Variants in NXN observed in about 807,000 individuals in gnomAD.
NXN encodes nucleoredoxin.
Under a neutral mutation model 48.6 loss-of-function variants are expected in NXN, and 16 were observed. The ratio of observed to expected loss-of-function variants is 0.33; its 90% confidence interval spans 0.22 to 0.50. NXN has a LOEUF of 0.50. NXN is among the 20% of genes least tolerant of loss of function. The pLI, the probability that NXN is intolerant of heterozygous loss-of-function variation, is 0.98. For missense variants in NXN, 492 were observed against 605.5 expected, an observed-to-expected ratio of 0.81 and a Z score of 1.97; for synonymous variants, 281 against 269.6, an observed-to-expected ratio of 1.04 and a Z score of -0.41.
intron 1 of NXN, among the ~76,000 whole-genome samples, chr17:879,090 G>A (rs192426415): frequency 5.9e-5 from 9 of 151,924 alleles, no homozygotes; most frequent in South Asian, 4.2e-4. Context: ...ACTTGAACCC[G>A]GGAGGCAGAG....
chr17:822,494 T>C, intron 3 of NXN, 37 bp from the exon 4 acceptor site: 1 of 1,492,006 alleles, frequency 6.7e-7, no homozygotes, highest in Non-Finnish European at 9.3e-7. Context: ...TGCGTCACGC[T>C]GCTTCTCCAC....
At position 898,444 on chromosome 17, in the gene NXN, C is replaced by G. The variant is rs1461016062; in HGVS notation, c.361-72366G>C. On this transcript the variant is annotated intron_variant, in intron 1 of 7. Transcript: ENST00000336868. ...ACGCCACCTCCTCTGAGAAACTACT[C>G]TGAGGCCAGGTGTAATGTCTCACCC... is the stretch of plus-strand genomic sequence containing the variant. 2.7e-5 allele frequency among the ~76,000 whole-genome samples: 2 copies of G among 73,794 alleles called. 1 individual carries two copies. The highest frequency in any genetic ancestry group is 8.4e-5 in the Non-Finnish European group (2 of 23,848). 48.4% of individuals were successfully genotyped at this position (73,794 alleles called of 152,430 possible). A position where few individuals can be genotyped will look rare whatever the true frequency, so the allele number is the denominator to read the frequency against.
chr17:929,894 T>C (rs1264828886), intron 1 of NXN: 1 of 151,486 alleles, frequency 6.6e-6, no homozygotes, highest in Non-Finnish European at 1.5e-5. Flanking sequence ...ATTTTAAAGC[T>C]CTGCTCTCGA....
At chr17:904,212 C>A (rs911738452) in intron 1 of NXN, among the ~76,000 whole-genome samples, 6 of 152,248 alleles carry the variant, frequency 3.9e-5, no homozygotes, top group African/African-American at 7.2e-5. Context: ...TGGGGAAGGG[C>A]TGGCCGAGCG....
At position 840,679 on chromosome 17, in the gene NXN, G is replaced by A. The variant is rs145088926; in HGVS notation, c.361-14601C>T. 4.3e-4 allele frequency among the ~76,000 whole-genome samples: 65 copies of A among 152,302 alleles called. 1 individual carries two copies. Among genetic ancestry groups the A allele is most frequent in the South Asian group, 1.7e-3 (8 of 4,832 alleles). On this transcript the variant is annotated intron_variant, in intron 1 of 7. Transcript: ENST00000336868. ...TACGTCTTAAGAGCCTCACTTCACC[G>A]GCGAGATACTCTTTTACAACAGAAA...
At chr17:937,156 G>T (rs2068916745) in intron 1 of NXN, among the ~76,000 whole-genome samples, 1 of 152,020 alleles carries the variant, frequency 6.6e-6, no homozygotes, top group Non-Finnish European at 1.5e-5. Context: ...CTGATTTTTT[G>T]TATTTTTTGT....
intron 1 of NXN, among the ~76,000 whole-genome samples, chr17:859,369 T>G (rs1267879073): frequency 6.6e-6 from 1 of 152,166 alleles, no homozygotes; most frequent in Non-Finnish European, 1.5e-5. Flanking sequence ...ACGGGGAGTT[T>G]AGGGGAAATT....
intron 1 of NXN, among the ~76,000 whole-genome samples, chr17:853,698 T>TACACAC (rs1421882050): frequency 3.9e-5 from 5 of 128,452 alleles, no homozygotes; most frequent in African/African-American, 1.7e-4. Flanking sequence ...ATTTCTGTTA[T>TACACAC]ACACATATAT....
At chr17:847,374 T>C (rs2067875704) in intron 1 of NXN, among the ~76,000 whole-genome samples, 2 of 151,864 alleles carry the variant, frequency 1.3e-5, no homozygotes, top group South Asian at 4.2e-4. Context: ...GGAGAGGAAA[T>C]ATTTACAATG....
At chr17:824,497 G>C (rs1054706817) in intron 2 of NXN, among the ~76,000 whole-genome samples, 3 of 152,170 alleles carry the variant, frequency 2.0e-5, no homozygotes, top group South Asian at 2.1e-4. Flanking sequence ...GGGGCCTCGG[G>C]AATCAACCCG....
intron 1 of NXN, among the ~76,000 whole-genome samples, chr17:930,695 C>A (rs1458252992): frequency 6.6e-6 from 1 of 151,544 alleles, no homozygotes; most frequent in Non-Finnish European, 1.5e-5. Context: ...AAGGCATAAA[C>A]ATGTTATTAA....
At chr17:835,292 A>T (rs1913749025) in intron 1 of NXN, among the ~76,000 whole-genome samples, 1 of 148,584 alleles carries the variant, frequency 6.7e-6, no homozygotes, top group South Asian at 2.2e-4. Context: ...TGGAAGACAG[A>T]CCGAGACTCT....
At chr17:911,978 C>A (rs1029368328) in intron 1 of NXN, among the ~76,000 whole-genome samples, 7 of 150,444 alleles carry the variant, frequency 4.7e-5, no homozygotes, top group African/African-American at 1.7e-4. Flanking sequence ...CACTCTGTTG[C>A]CCAGGCTGGA....
chr17:963,214 G>GAC (rs58535607), intron 1 of NXN, among the ~76,000 whole-genome samples: 6,297 of 142,860 alleles, frequency 0.044, 165 homozygotes, highest in Non-Finnish European at 0.066. Flanking sequence ...TACTGGGACG[G>GAC]ACACACACAC....
chr17:853,950 G>C (rs1446714792), intron 1 of NXN, among the ~76,000 whole-genome samples: 2 of 151,774 alleles, frequency 1.3e-5, no homozygotes, highest in African/African-American at 4.8e-5. Flanking sequence ...TTGATCTCCT[G>C]ACCTCCTGAT....
At position 825,975 on chromosome 17, in the gene NXN, C is replaced by A. The variant is rs371999469; in HGVS notation, c.464G>T (p.Arg155Leu). The A allele has an allele frequency of 5.6e-6, 9 of 1,610,108 alleles. No homozygotes were observed. Among genetic ancestry groups the A allele is most frequent in the Non-Finnish European group, 6.8e-6 (8 of 1,177,356 alleles). ...TGAGGTTTTACCTTCTGGGTCATCT[C>A]GGATCACCAGCAGCCCGTTCCTGCA... Reference protein sequence around the residue: ...VVCRNGLLVIRDDPEGLEFPW... With the variant: ...VVCRNGLLVILDDPEGLEFPW... Residue 155 changes from arginine (R) to leucine (L), a missense_variant, in exon 2 of 8, where the codon CGA (arginine) becomes CTA (leucine). Around this residue, in one of 3 missense-constraint regions of NXN, gnomAD observed 303 missense variants for 388.3 expected, o/e 0.78. Coordinates refer to ENST00000336868, the MANE Select transcript of NXN (RefSeq NM_022463.5). The surrounding 1 kb of genome is among the most constrained non-coding windows in gnomAD (Gnocchi z 4.1).
intron 1 of NXN, among the ~76,000 whole-genome samples, chr17:963,774 A>C (rs1036064021): frequency 6.6e-6 from 1 of 152,034 alleles, no homozygotes; most frequent in African/African-American, 2.4e-5. Flanking sequence ...GATTATTGTT[A>C]CAGTTAATAA....
intron 5 of NXN, among the ~76,000 whole-genome samples, chr17:807,090 C>T (rs1279196670): frequency 1.3e-5 from 2 of 152,210 alleles, no homozygotes; most frequent in African/African-American, 4.8e-5. Context: ...GCATTTTATC[C>T]CCTGAGGCCG....
At chr17:947,002 C>A (rs1316872063) in intron 1 of NXN, among the ~76,000 whole-genome samples, 1 of 152,294 alleles carries the variant, frequency 6.6e-6, no homozygotes, top group East Asian at 1.9e-4. Context: ...GCCAGTCGGC[C>A]CCACGGTGCG....
Sources: allele counts gnomAD v4.1 joint callset (sites outside exome capture counted in the v4.1 genomes callset), GRCh38; gene constraint gnomAD v4.1.1; regional missense constraint gnomAD v4.1.1; non-coding constraint Gnocchi (gnomAD v3.1); transcripts MANE v1.5; gene names NCBI Gene and HGNC (gene_info 2026-07-23, HGNC 2026-07-21).